The following MAPK4 variants were observed in gnomAD, a reference collection of about 807,000 sequenced individuals.
MAPK4 encodes the protein mitogen-activated protein kinase 4.
A neutral mutation model predicts 47.7 loss-of-function variants in MAPK4; 22 were observed. That is an observed-to-expected ratio of 0.46 (90% CI 0.33 to 0.66). The LOEUF is 0.66. Among genes scored for constraint, MAPK4 ranks in the 30% least tolerant of loss-of-function variants. The pLI, the probability that MAPK4 is intolerant of heterozygous loss-of-function variation, is 0.02. For synonymous variants in MAPK4, 390 were observed against 365.7 expected, an observed-to-expected ratio of 1.07 and a Z score of -0.76; for missense variants, 736 against 831.7, an observed-to-expected ratio of 0.88 and a Z score of 1.42.
intron 2 of MAPK4, among the ~76,000 whole-genome samples, chr18:50,710,924 C>T (rs1910329391): frequency 6.6e-6 from 1 of 152,184 alleles, no homozygotes. Flanking sequence ...CTTCCAACTC[C>T]CACACGCAAG....
intron 2 of MAPK4, among the ~76,000 whole-genome samples, chr18:50,714,156 G>A (rs1248916474): frequency 6.6e-6 from 1 of 152,142 alleles, no homozygotes; most frequent in Non-Finnish European, 1.5e-5. Context: ...ATCTCCCATT[G>A]GATCTCCTTG....
chr18:50,660,638 A>G (rs547107337), intron 1 of MAPK4, among the ~76,000 whole-genome samples: 65 of 152,370 alleles, frequency 4.3e-4, no homozygotes, highest in African/African-American at 1.5e-3. Flanking sequence ...TGAGTGCCAC[A>G]GGAGTTTAGA....
intron 1 of MAPK4, among the ~76,000 whole-genome samples, chr18:50,620,698 A>G (rs2042724055): frequency 6.6e-6 from 1 of 152,156 alleles, no homozygotes; most frequent in African/African-American, 2.4e-5. Flanking sequence ...TGAGGCCAGG[A>G]GTTCAAGACC....
chr18:50,643,934 C>T (rs944824882), intron 1 of MAPK4, among the ~76,000 whole-genome samples: 1 of 151,954 alleles, frequency 6.6e-6, no homozygotes, highest in Non-Finnish European at 1.5e-5. Flanking sequence ...TGACTGTTCC[C>T]GTCCTGTTCT....
chr18:50,575,690 C>T (rs900131375), intron 1 of MAPK4, among the ~76,000 whole-genome samples: 16 of 147,530 alleles, frequency 1.1e-4, no homozygotes, highest in African/African-American at 3.5e-4. Flanking sequence ...CGACAGCAAA[C>T]AGACAGTCTA....
chr18:50,647,599 C>T (rs776625519), intron 1 of MAPK4, among the ~76,000 whole-genome samples: 5 of 152,148 alleles, frequency 3.3e-5, no homozygotes, highest in African/African-American at 4.8e-5. Flanking sequence ...ATTTTACCGT[C>T]GGCTCAATCC....
At chr18:50,671,495 T>C (rs969859516) in intron 2 of MAPK4, among the ~76,000 whole-genome samples, 1 of 152,088 alleles carries the variant, frequency 6.6e-6, no homozygotes, top group East Asian at 1.9e-4. Context: ...GTGGTTCAAT[T>C]TGAGGTCCCA....
At chr18:50,609,373 T>C (rs1349572067) in intron 1 of MAPK4, among the ~76,000 whole-genome samples, 1 of 150,584 alleles carries the variant, frequency 6.6e-6, no homozygotes, top group African/African-American at 2.4e-5. Context: ...ACGGGGCGGC[T>C]GGCCGGGCGG....
chr18:50,715,023 G>C (rs1209309124), intron 2 of MAPK4, 56 bp from the exon 3 acceptor site: 20 of 1,572,670 alleles, frequency 1.3e-5, no homozygotes, highest in Non-Finnish European at 1.6e-5. Flanking sequence ...AAGAGGCGTG[G>C]GAGGAAGGGT....
chr18:50,661,048 C>T (rs2043166185), intron 1 of MAPK4, among the ~76,000 whole-genome samples: 4 of 152,216 alleles, frequency 2.6e-5, no homozygotes, highest in Admixed American at 2.6e-4. Context: ...CTGCATTCAG[C>T]TTGCTTGTGA....
intron 1 of MAPK4, among the ~76,000 whole-genome samples, chr18:50,597,974 A>G (rs1025960619): frequency 6.6e-6 from 1 of 152,186 alleles, no homozygotes; most frequent in Non-Finnish European, 1.5e-5. Flanking sequence ...AGCTGGGGGG[A>G]AAAACAAGTA....
At chr18:50,585,826 A>T (rs1439869676) in intron 1 of MAPK4, among the ~76,000 whole-genome samples, 7 of 152,198 alleles carry the variant, frequency 4.6e-5, no homozygotes, top group South Asian at 2.1e-4. Flanking sequence ...CCTTCTTCAC[A>T]TGGTGGTAGG....
chr18:50,581,273 A>G (rs1459288073), intron 1 of MAPK4, among the ~76,000 whole-genome samples: 1 of 152,162 alleles, frequency 6.6e-6, no homozygotes, highest in Non-Finnish European at 1.5e-5. Flanking sequence ...AGGGACTCTC[A>G]TGAGGCTGCA....
Position 50,693,494 on chromosome 18 carries a change from G to C in MAPK4, c.547-21585G>C, listed in dbSNP as rs184589793. Among the ~76,000 whole-genome samples, 426 of 152,298 alleles carry C rather than the reference G, an allele frequency of 2.8e-3. 1 individual carries two copies. The highest frequency in any genetic ancestry group is 9.2e-3 in the African/African-American group (381 of 41,572). On this transcript the variant is annotated intron_variant, in intron 2 of 5. Transcript: ENST00000400384. Reference sequence around the variant, plus strand: ...AAGGCAGACTGAGAATTCACCAAGAGTCACAGCTCTCAGGCTCTTTAGAGA... The same window carrying C: ...AAGGCAGACTGAGAATTCACCAAGACTCACAGCTCTCAGGCTCTTTAGAGA...
At chr18:50,691,103 C>T (rs1909189864) in intron 2 of MAPK4, among the ~76,000 whole-genome samples, 3 of 152,148 alleles carry the variant, frequency 2.0e-5, no homozygotes. Context: ...AGCCATCCTC[C>T]CACCTCAGCC....
rs143539279 is a variant in MAPK4, at chr18:50,647,498, G to A, written c.-870-15591G>A. Among the ~76,000 whole-genome samples, 567 of 152,302 alleles carry A rather than the reference G, an allele frequency of 3.7e-3. 1 individual carries two copies. Among genetic ancestry groups the A allele is most frequent in the African/African-American group, 0.01 (433 of 41,548 alleles). ...CCCGAGGGAGGGGCATGCAGTTGCT[G>A]TCCAGGTTTTCTTCTAAGCTGGTCT... On this transcript the variant is annotated intron_variant, in intron 1 of 5. Coordinates refer to ENST00000400384, the MANE Select transcript of MAPK4 (RefSeq NM_002747.4).
intron 1 of MAPK4, among the ~76,000 whole-genome samples, chr18:50,586,660 A>G (rs1216961375): frequency 6.6e-6 from 1 of 152,134 alleles, no homozygotes; most frequent in African/African-American, 2.4e-5. Flanking sequence ...TGCTTAGCTC[A>G]TGGTAAGCTC....
intron 2 of MAPK4, among the ~76,000 whole-genome samples, chr18:50,702,161 C>CAAAAAA (rs36001271): frequency 6.3e-5 from 6 of 95,908 alleles, no homozygotes; most frequent in African/African-American, 2.1e-4. Context: ...GATTCTGTCT[C>CAAAAAA]AAAAAAAAAA....
intron 2 of MAPK4, among the ~76,000 whole-genome samples, chr18:50,697,750 C>T (rs1407111545): frequency 1.3e-5 from 2 of 152,184 alleles, no homozygotes; most frequent in Non-Finnish European, 2.9e-5. Flanking sequence ...CCTGGGCCTA[C>T]CAGTACAGAG....
Sources: gnomAD v4.1 joint callset for allele counts (sites outside exome capture counted in the v4.1 genomes callset) on GRCh38, gnomAD v4.1.1 for gene constraint, MANE v1.5 for transcripts, NCBI Gene and HGNC (gene_info 2026-07-23, HGNC 2026-07-21) for gene names.